Variants in SLC6A7 observed in about 807,000 individuals in gnomAD.
SLC6A7 encodes solute carrier family 6 member 7, also known as sodium-dependent proline transporter.
In SLC6A7, 58 loss-of-function variants were observed where a neutral mutation model predicts 73.1. That is an observed-to-expected ratio of 0.79 (90% CI 0.64 to 0.99). SLC6A7 has a LOEUF of 0.99. Among genes scored for constraint, SLC6A7 ranks in the 50% least tolerant of loss-of-function variants. The pLI is 0.00. For synonymous variants in SLC6A7, 338 were observed against 338.7 expected, an observed-to-expected ratio of 1.00 and a Z score of 0.02; for missense variants, 783 against 831.4, an observed-to-expected ratio of 0.94 and a Z score of 0.72.
intron 4 of SLC6A7, among the ~76,000 whole-genome samples, chr5:150,198,103 GA>G (rs766407282): frequency 1.9e-5 from 2 of 106,196 alleles, no homozygotes; most frequent in Non-Finnish European, 4.3e-5. Flanking sequence ...AAGAAAGAAA[GA>G]AAGAAAGAAA....
At chr5:150,199,197 C>G (rs778002430) in intron 4 of SLC6A7, 31 bp from the exon 5 acceptor site, 1 of 1,558,454 alleles carries the variant, frequency 6.4e-7, no homozygotes, top group Non-Finnish European at 8.7e-7. Flanking sequence ...GTGGGGTGAC[C>G]AGGGGACACT....
chr5:150,203,810 G>A (rs1350763633), intron 9 of SLC6A7, 31 bp downstream of exon 9: 24 of 1,441,728 alleles, frequency 1.7e-5, no homozygotes, highest in Admixed American at 8.8e-5. Context: ...CAGGCACCCC[G>A]TGTGTGTGTG....
At chr5:150,195,661 G>A (rs1171505361) in intron 2 of SLC6A7, among the ~76,000 whole-genome samples, 2 of 152,204 alleles carry the variant, frequency 1.3e-5, no homozygotes, top group Non-Finnish European at 2.9e-5. Flanking sequence ...CCTAGCCAGT[G>A]TGCTCTCACC....
intron 4 of SLC6A7, among the ~76,000 whole-genome samples, chr5:150,198,049 GAGAAAGAAAGAAAGAAAGAAAGAA>G (rs1554115584): frequency 8.8e-4 from 91 of 103,648 alleles, no homozygotes; most frequent in Admixed American, 4.0e-3. Context: ...AAAGAAGAAA[GAGAAAGAAAGAAAGAAAGAAAGAA>G]AGAAAGAAAG....
intron 2 of SLC6A7, among the ~76,000 whole-genome samples, chr5:150,196,277 A>G (rs1332342666): frequency 1.3e-5 from 2 of 152,220 alleles, no homozygotes; most frequent in Non-Finnish European, 1.5e-5. Context: ...TGCCAATGTG[A>G]GAACCAAAGG....
At position 150,197,065 on chromosome 5, in the gene SLC6A7, A is replaced by G. The variant is rs780476071; in HGVS notation, c.373A>G (p.Ile125Val). 3 of 1,614,034 alleles carry G rather than the reference A, an allele frequency of 1.9e-6. No individual in the cohort carries two copies. The highest frequency in any genetic ancestry group is 2.5e-6 in the Non-Finnish European group (3 of 1,179,976). ...AGGCGCCGGCGCAGCCATGCTGCTC[A>G]TCGTGGGCTTGGTGGCCATCTACTA... ...FKGAGAAMLLIVGLVAIYYNM... is the reference protein window; with the variant it reads ...FKGAGAAMLLVVGLVAIYYNM... The change falls in exon 4 of 14, where the codon ATC becomes GTC. Residue 125 changes from isoleucine (I) to valine (V), a missense_variant. Ile to Val is a conservative substitution (Grantham distance 29). Coordinates refer to ENST00000230671, the MANE Select transcript of SLC6A7 (RefSeq NM_014228.5).
intron 5 of SLC6A7, 126 bp downstream of exon 5, chr5:150,199,492 A>G (rs990312363): frequency 1.2e-5 from 8 of 665,846 alleles, no homozygotes; most frequent in East Asian, 2.8e-5. Context: ...GAAGGGAGAG[A>G]GCCTTGAGAC....
At chr5:150,200,912 G>A (rs993454750) in intron 5 of SLC6A7, among the ~76,000 whole-genome samples, 177 bp from the exon 6 acceptor site, 1 of 152,212 alleles carries the variant, frequency 6.6e-6, no homozygotes, top group Non-Finnish European at 1.5e-5. Context: ...AAGCAAGGTG[G>A]TGGTGCTTTG....
chr5:150,204,665 T>C (rs749762088), intron 11 of SLC6A7, 34 bp downstream of exon 11: 3 of 1,516,932 alleles, frequency 2.0e-6, no homozygotes, highest in Non-Finnish European at 2.7e-6. Context: ...AGTCGAGCTC[T>C]CCGCAGTGGG....
chr5:150,196,786 C>T lies in SLC6A7; in HGVS notation c.288C>T (p.Ser96=). 6.2e-7 allele frequency: 1 copy of T among 1,614,098 alleles called. No individual in the cohort carries two copies. The highest frequency in any genetic ancestry group is 8.5e-7 in the Non-Finnish European group (1 of 1,179,966). ...CGIPLFFLEL[S]LGQFSSLGPL... is the part of the protein sequence containing the mutation. ...TCCCCCTCTTCTTCCTGGAGCTCTC[C>T]CTGGGCCAGTTCTCCAGCCTAGGGC... Residue 96 remains serine (S), a synonymous_variant, in exon 3 of 14, where the codon TCC becomes TCT. Coordinates refer to ENST00000230671, the MANE Select transcript of SLC6A7 (RefSeq NM_014228.5).
chr5:150,203,820 G>GTGTGT (rs1554116761), intron 9 of SLC6A7, 41 bp downstream of exon 9: 26 of 802,514 alleles, frequency 3.2e-5, no homozygotes, highest in Middle Eastern at 5.6e-4. Flanking sequence ...GTGTGTGTGT[G>GTGTGT]GTGTGTGTGT....
At chr5:150,190,880 A>C (rs1262418547) in intron 1 of SLC6A7, among the ~76,000 whole-genome samples, 1 of 152,134 alleles carries the variant, frequency 6.6e-6, no homozygotes, top group Non-Finnish European at 1.5e-5. Flanking sequence ...CTGAGACCCC[A>C]GGCTGCCCCT....
At position 150,204,812 on chromosome 5, in the gene SLC6A7, C is replaced by T. The variant is rs558026192; in HGVS notation, c.1433-15C>T. 3.7e-4 allele frequency: 591 copies of T among 1,579,728 alleles called. 11 individuals carry two copies. In the South Asian group the frequency reaches 6.3e-3, roughly 17 times the overall value. On this transcript the variant is annotated splice_polypyrimidine_tract_variant and intron_variant, in intron 11 of 13. Transcript: ENST00000230671. ...CCGGCGGGTGGGGCCATTCCTCCTC[C>T]CCTCCCCTGTGCAGGCATTCAGAGG...
At chr5:150,198,049 G>GAGGA (rs1554115585) in intron 4 of SLC6A7, among the ~76,000 whole-genome samples, 5 of 103,650 alleles carry the variant, frequency 4.8e-5, no homozygotes, top group African/African-American at 2.4e-4. Context: ...AAAGAAGAAA[G>GAGGA]AGAAAGAAAG....
In SLC6A7 at chr5:150,198,382, C is replaced by T. The variant is rs17111013; in HGVS notation, c.585-846C>T. Reference sequence around the variant, plus strand: ...TGTCTTGAAATGTTTTGGTCTTTAACCTGCCTGTAGTACATAGTTCATTCA... The same window carrying T: ...TGTCTTGAAATGTTTTGGTCTTTAATCTGCCTGTAGTACATAGTTCATTCA... On this transcript the variant is annotated intron_variant, in intron 4 of 13. Coordinates refer to ENST00000230671, the MANE Select transcript of SLC6A7 (RefSeq NM_014228.5). Among the ~76,000 whole-genome samples the T allele has an allele frequency of 4.7e-3, 719 of 152,372 alleles. 7 individuals carry two copies. The highest frequency in any genetic ancestry group is 0.017 in the African/African-American group (690 of 41,590).
At chr5:150,204,699 G>A in intron 11 of SLC6A7, 68 bp downstream of exon 11, 1 of 1,392,354 alleles carries the variant, frequency 7.2e-7, no homozygotes, top group Non-Finnish European at 1.0e-6. Flanking sequence ...ACCCTGGGGA[G>A]CCCCAGTACC....
chr5:150,191,596 A>G (rs1449020604), intron 1 of SLC6A7, among the ~76,000 whole-genome samples: 9 of 151,784 alleles, frequency 5.9e-5, no homozygotes, highest in Admixed American at 3.9e-4. Flanking sequence ...ACGCCTGGCT[A>G]ATGTTTTGTA....
chr5:150,203,760 C>T lies in SLC6A7; in HGVS notation c.1181C>T (p.Thr394Ile). 2.5e-6 allele frequency: 4 copies of T among 1,606,000 alleles called. No homozygotes were observed. In the South Asian group the frequency reaches 4.4e-5, roughly 18 times the overall value. The change falls in exon 9 of 14, where the codon ACT becomes ATT. Residue 394 changes from threonine (T) to isoleucine (I), a missense_variant. Thr to Ile is a moderately conservative substitution (Grantham distance 89). Transcript: ENST00000230671. ...WSFLFFFMLL[T>I]LGLDSQFAFL... ...TTTCTCTTCTTCTTCATGCTTCTGA[C>T]TCTCGGCCTAGATAGCCAGGTGAGT... is the stretch of plus-strand genomic sequence containing the variant.
At chr5:150,197,335 A>G in intron 4 of SLC6A7, 59 bp downstream of exon 4, 2 of 1,155,324 alleles carry the variant, frequency 1.7e-6, no homozygotes, top group Non-Finnish European at 2.5e-6. Context: ...GAGGGTGGCC[A>G]GAGGGCATCC....
Sources: gnomAD v4.1 joint callset for allele counts (sites outside exome capture counted in the v4.1 genomes callset) on GRCh38, gnomAD v4.1.1 for gene constraint, MANE v1.5 for transcripts, NCBI Gene and HGNC (gene_info 2026-07-23, HGNC 2026-07-21) for gene names.